XYLT1: variants seen among roughly 807,000 people sequenced by gnomAD.
XYLT1 encodes the protein beta-D-xylosyltransferase 1.
In XYLT1, 36 loss-of-function variants were observed where a neutral mutation model predicts 91.3. The ratio of observed to expected loss-of-function variants is 0.39; its 90% CI spans 0.30 to 0.52. XYLT1 has a LOEUF of 0.52. XYLT1 is among the 20% of genes least tolerant of loss of function. The pLI, the probability that XYLT1 is intolerant of heterozygous loss-of-function variation, is 0.68. For missense variants in XYLT1, 1,242 were observed against 1,284.5 expected, an observed-to-expected ratio of 0.97 and a Z score of 0.51; for synonymous variants, 588 against 532.0, an observed-to-expected ratio of 1.11 and a Z score of -1.45.
At chr16:17,122,383 T>C (rs1412668063) in intron 10 of XYLT1, among the ~76,000 whole-genome samples, 1 of 152,182 alleles carries the variant, frequency 6.6e-6, no homozygotes, top group Non-Finnish European at 1.5e-5. Context: ...TCGTTGGCCA[T>C]TTGTATATCT....
intron 1 of XYLT1, among the ~76,000 whole-genome samples, chr16:17,375,321 T>G (rs571580949): frequency 6.6e-6 from 1 of 152,158 alleles, no homozygotes; most frequent in African/African-American, 2.4e-5. Context: ...AAAGCTAAGA[T>G]TAGCTAATAA....
chr16:17,285,259 C>T (rs2034117655), intron 2 of XYLT1, among the ~76,000 whole-genome samples: 1 of 152,132 alleles, frequency 6.6e-6, no homozygotes, highest in African/African-American at 2.4e-5. Context: ...CACCCAGGAC[C>T]CCATGGTAGT....
intron 6 of XYLT1, among the ~76,000 whole-genome samples, chr16:17,142,600 A>ATTTTTT (rs71137976): frequency 7.2e-6 from 1 of 139,628 alleles, no homozygotes. Context: ...CACCCAGCTA[A>ATTTTTT]TTTTTTTTTT....
Position 17,469,382 on chromosome 16 carries a change from T to C in XYLT1, c.363+1052A>G, listed in dbSNP as rs540749560. ...AGACAGACACACAACACATTGGCTA[T>C]GCCCTAAGGCAGAACTCACGCCCCT... On this transcript the variant is annotated intron_variant, in intron 1 of 11. Coordinates refer to ENST00000261381, the MANE Select transcript of XYLT1 (RefSeq NM_022166.4). 1.2e-4 allele frequency among the ~76,000 whole-genome samples: 19 copies of C among 152,378 alleles called. No individual in the cohort carries two copies. In the East Asian group the frequency reaches 3.5e-3, roughly 28 times the overall value.
intron 10 of XYLT1, among the ~76,000 whole-genome samples, chr16:17,119,556 C>T (rs2029974817): frequency 6.6e-6 from 1 of 152,190 alleles, no homozygotes; most frequent in Admixed American, 6.5e-5. Flanking sequence ...ATTGTTCTTG[C>T]AAGAGGTACT....
intron 2 of XYLT1, among the ~76,000 whole-genome samples, chr16:17,323,406 G>A (rs999242740): frequency 6.6e-6 from 1 of 152,152 alleles, no homozygotes. Flanking sequence ...GCAAAGCAGG[G>A]ATAATTAAAA....
At chr16:17,147,322 A>G (rs1597151995) in intron 6 of XYLT1, among the ~76,000 whole-genome samples, 1 of 152,336 alleles carries the variant, frequency 6.6e-6, no homozygotes, top group East Asian at 1.9e-4. Flanking sequence ...TTTGTATTCA[A>G]ACTTACATGG....
intron 5 of XYLT1, among the ~76,000 whole-genome samples, chr16:17,186,467 AT>A (rs55895412): frequency 0.013 from 1,781 of 132,380 alleles, 26 homozygotes; most frequent in African/African-American, 0.04. Context: ...CACCTGGTTA[AT>A]TTTTTTTTTT....
intron 2 of XYLT1, among the ~76,000 whole-genome samples, chr16:17,331,012 C>A (rs2034889879): frequency 6.6e-6 from 1 of 152,182 alleles, no homozygotes; most frequent in Non-Finnish European, 1.5e-5. Flanking sequence ...CCGCCCTGCA[C>A]AAAGGGAGGG....
chr16:17,215,760 C>T (rs535633491), intron 3 of XYLT1, among the ~76,000 whole-genome samples: 10 of 152,036 alleles, frequency 6.6e-5, no homozygotes, highest in East Asian at 3.9e-4. Context: ...GGGCCTGTCA[C>T]GAATGATAGT....
intron 1 of XYLT1, among the ~76,000 whole-genome samples, chr16:17,429,308 GA>G (rs1211406835): frequency 4.6e-5 from 7 of 152,206 alleles, no homozygotes; most frequent in Non-Finnish European, 7.3e-5. Flanking sequence ...TAAGGTAAGA[GA>G]AAGACAGCCA....
chr16:17,333,062 C>G (rs1481118888), intron 2 of XYLT1, among the ~76,000 whole-genome samples: 2 of 151,906 alleles, frequency 1.3e-5, no homozygotes, highest in African/African-American at 4.8e-5. Flanking sequence ...TCTTCCCTCT[C>G]AGGAGACTGA....
intron 1 of XYLT1, among the ~76,000 whole-genome samples, chr16:17,461,627 G>C (rs1653528159): frequency 6.6e-6 from 1 of 152,170 alleles, no homozygotes; most frequent in South Asian, 2.1e-4. Context: ...TGGATGCTTA[G>C]ACAAATAGAT....
chr16:17,217,917 C>G (rs1465013204), intron 3 of XYLT1, among the ~76,000 whole-genome samples: 1 of 150,730 alleles, frequency 6.6e-6, no homozygotes, highest in African/African-American at 2.4e-5. Flanking sequence ...GTGTCAAGGT[C>G]TCAAGGCAGG....
chr16:17,235,166 C>T (rs545687983), intron 3 of XYLT1, among the ~76,000 whole-genome samples: 4 of 152,032 alleles, frequency 2.6e-5, no homozygotes, highest in Admixed American at 2.0e-4. Flanking sequence ...TTACTGATGC[C>T]TGATTAAATG....
intron 3 of XYLT1, among the ~76,000 whole-genome samples, chr16:17,201,841 G>A (rs1346234387): frequency 6.6e-6 from 1 of 152,156 alleles, no homozygotes; most frequent in African/African-American, 2.4e-5. Context: ...CCCACACGGA[G>A]AGAGGTTGCC....
chr16:17,330,153 T>A (rs913650497), intron 2 of XYLT1, among the ~76,000 whole-genome samples: 1 of 131,052 alleles, frequency 7.6e-6, no homozygotes, highest in African/African-American at 2.9e-5. Flanking sequence ...CAGCTCCACA[T>A]GGGCAGGAGC....
intron 2 of XYLT1, among the ~76,000 whole-genome samples, chr16:17,268,503 T>C (rs2033838320): frequency 2.0e-5 from 3 of 151,714 alleles, no homozygotes; most frequent in African/African-American, 7.3e-5. Context: ...ACTGACATAA[T>C]ACATAAGTAC....
At chr16:17,306,128 T>C (rs951560295) in intron 2 of XYLT1, among the ~76,000 whole-genome samples, 5 of 152,164 alleles carry the variant, frequency 3.3e-5, no homozygotes, top group South Asian at 2.1e-4. Flanking sequence ...TCCCTCTGTA[T>C]GTGGAAATTT....
Sources: allele counts gnomAD v4.1 joint callset (sites outside exome capture counted in the v4.1 genomes callset), GRCh38; gene constraint gnomAD v4.1.1; transcripts MANE v1.5; gene names NCBI Gene and HGNC (gene_info 2026-07-23, HGNC 2026-07-21).